ADAMTS14: variants seen among roughly 807,000 people sequenced by gnomAD.
The protein encoded by ADAMTS14 is A disintegrin and metalloproteinase with thrombospondin motifs 14.
A neutral mutation model predicts 128.6 loss-of-function variants in ADAMTS14; 100 were observed. The observed-to-expected ratio is 0.78, with a 90% CI of 0.66 to 0.92. ADAMTS14 has a LOEUF of 0.92. Among genes scored for constraint, ADAMTS14 ranks in the 40% least tolerant of loss-of-function variants. ADAMTS14 has a pLI of 0.00. For synonymous variants in ADAMTS14, 665 were observed against 653.8 expected (o/e 1.02, Z -0.26); for missense variants, 1,562 against 1,658.6 (o/e 0.94, Z 1.01).
rs1480580283 is a variant in ADAMTS14, at chr10:70,760,519, C to A, written c.3338C>A (p.Pro1113His). 8 of 1,613,824 alleles carry A rather than the reference C, an allele frequency of 5.0e-6. No homozygotes were observed. Among genetic ancestry groups the A allele is most frequent in the Non-Finnish European group, 6.8e-6 (8 of 1,179,918 alleles). Residue 1113 changes from proline to histidine, a missense_variant, in exon 22 of 22, where the codon CCC (proline) becomes CAC (histidine). Transcript: ENST00000373207. Reference protein sequence around the residue: ...GPDPGPTSLPPFSTPGSPLPG... With the variant: ...GPDPGPTSLPHFSTPGSPLPG... The stretch of plus-strand genomic sequence containing the variant: ...GACCCTGGCCCAACCTCACTGCCCC[C>A]CTTCTCCACTCCTGGAAGCCCCTTA...
At chr10:70,706,204 A>G (rs1258313908) in intron 3 of ADAMTS14, among the ~76,000 whole-genome samples, 3 of 152,174 alleles carry the variant, frequency 2.0e-5, no homozygotes, top group African/African-American at 4.8e-5. Context: ...CCAATTCCCC[A>G]GAAAGTCTGC....
At position 70,687,190 on chromosome 10, in the gene ADAMTS14, A is replaced by AC. The variant is rs1178652455; in HGVS notation, c.522+12203dup. ...GGCCACTGGCCGGGCAGGGGGGCTG[A>AC]CCCCCCCCACCTCCCTCCCGGACGG... On this transcript the variant is annotated intron_variant, in intron 2 of 21. Transcript: ENST00000373207. Among the ~76,000 whole-genome samples the AC allele has an allele frequency of 7.4e-3, 487 of 65,742 alleles. 2 individuals are homozygous for AC. The highest frequency in any genetic ancestry group is 0.03 in the African/African-American group (457 of 15,226). 43.1% of individuals were successfully genotyped at this position (65,742 alleles called of 152,430 possible). A position where few individuals can be genotyped will look rare whatever the true frequency, so the allele number is the denominator to read the frequency against.
intron 2 of ADAMTS14, among the ~76,000 whole-genome samples, chr10:70,692,171 A>C (rs77352654): frequency 0.045 from 6,852 of 152,164 alleles, 220 homozygotes; most frequent in Middle Eastern, 0.085. Context: ...TTTAATGACT[A>C]TCTAGGGGTA....
intron 12 of ADAMTS14, among the ~76,000 whole-genome samples, chr10:70,743,244 T>A (rs183874113): frequency 7.6e-4 from 116 of 152,364 alleles, no homozygotes; most frequent in African/African-American, 2.5e-3. Flanking sequence ...ATAGTAAGCA[T>A]TCACTAAGCA....
chr10:70,753,532 G>C (rs1297569838), intron 18 of ADAMTS14, among the ~76,000 whole-genome samples: 1 of 152,196 alleles, frequency 6.6e-6, no homozygotes, highest in Non-Finnish European at 1.5e-5. Flanking sequence ...AAGGCTAATA[G>C]CTTGCTCGAG....
At chr10:70,677,791 CCAGGAAATGG>C (rs559252763) in intron 2 of ADAMTS14, among the ~76,000 whole-genome samples, 351 of 152,304 alleles carry the variant, frequency 2.3e-3, no homozygotes, top group Non-Finnish European at 3.1e-3. Context: ...TCCGCCCACT[CCAGGAAATGG>C]CCCTGTGTCC....
intron 4 of ADAMTS14, among the ~76,000 whole-genome samples, chr10:70,720,768 A>T (rs1020425052): frequency 6.6e-6 from 1 of 152,240 alleles, no homozygotes; most frequent in East Asian, 1.9e-4. Flanking sequence ...GTGCATGTTT[A>T]GTCATCGGCA....
At chr10:70,723,812 T>C (rs1841345874) in intron 4 of ADAMTS14, among the ~76,000 whole-genome samples, 1 of 152,194 alleles carries the variant, frequency 6.6e-6, no homozygotes, top group South Asian at 2.1e-4. Flanking sequence ...TTCTCTCTCC[T>C]GGGCCAGAGA....
At chr10:70,751,981 A>C in intron 17 of ADAMTS14, 114 bp from the exon 18 acceptor site, 1 of 1,446,940 alleles carries the variant, frequency 6.9e-7, no homozygotes, top group Non-Finnish European at 9.3e-7. Context: ...GGGCATAGGC[A>C]GAGGGAGGTG....
intron 19 of ADAMTS14, among the ~76,000 whole-genome samples, chr10:70,755,797 C>T (rs1842468338): frequency 1.3e-5 from 2 of 152,108 alleles, no homozygotes. Context: ...TGCAGTGAGC[C>T]AAGATCACGC....
At chr10:70,738,696 C>T in intron 10 of ADAMTS14, 146 bp from the exon 11 acceptor site, 1 of 1,099,154 alleles carries the variant, frequency 9.1e-7, no homozygotes, top group Non-Finnish European at 1.3e-6. Flanking sequence ...AAAGGCAAGC[C>T]TTTTGTTTAA....
chr10:70,715,118 G>A (rs1840998806), intron 4 of ADAMTS14, among the ~76,000 whole-genome samples: 2 of 152,182 alleles, frequency 1.3e-5, no homozygotes, highest in Admixed American at 6.5e-5. Context: ...GCAGGGTCAA[G>A]TGGTATTTCT....
chr10:70,723,348 T>A (rs188432394), intron 4 of ADAMTS14, among the ~76,000 whole-genome samples: 2 of 152,130 alleles, frequency 1.3e-5, no homozygotes, highest in East Asian at 3.9e-4. Flanking sequence ...ACCAGGACAT[T>A]TGGGGGAAAT....
At chr10:70,708,549 T>G (rs1176457331) in intron 3 of ADAMTS14, 39 bp from the exon 4 acceptor site, 1 of 1,558,136 alleles carries the variant, frequency 6.4e-7, no homozygotes, top group African/African-American at 1.4e-5. Flanking sequence ...CAGCCCCTCC[T>G]GTGGGTTGGA....
intron 3 of ADAMTS14, among the ~76,000 whole-genome samples, chr10:70,704,674 C>T (rs1010262354): frequency 2.0e-5 from 3 of 148,786 alleles, no homozygotes; most frequent in African/African-American, 7.5e-5. Context: ...GACACAAACA[C>T]ACGCTCACAA....
intron 2 of ADAMTS14, among the ~76,000 whole-genome samples, chr10:70,679,186 T>C (rs532954087): frequency 1.3e-4 from 20 of 152,096 alleles, no homozygotes; most frequent in African/African-American, 3.6e-4. Context: ...TGCTCAAGAC[T>C]GTTCAGACAT....
chr10:70,732,616 T>C (rs900673609), intron 7 of ADAMTS14, among the ~76,000 whole-genome samples: 3 of 152,206 alleles, frequency 2.0e-5, no homozygotes, highest in Admixed American at 1.3e-4. Flanking sequence ...CCCAGGGCCA[T>C]AGGGGACCAG....
At chr10:70,719,382 A>G (rs1021852621) in intron 4 of ADAMTS14, among the ~76,000 whole-genome samples, 4 of 85,454 alleles carry the variant, frequency 4.7e-5, no homozygotes, top group African/African-American at 7.1e-5. Context: ...ACACACACAC[A>G]CACACACACA....
intron 2 of ADAMTS14, among the ~76,000 whole-genome samples, chr10:70,675,826 T>C (rs1839630414): frequency 6.6e-6 from 1 of 152,212 alleles, no homozygotes; most frequent in African/African-American, 2.4e-5. Flanking sequence ...AAGGTCCTGT[T>C]GGGCAGCTCT....
Sources: allele counts gnomAD v4.1 joint callset (sites outside exome capture counted in the v4.1 genomes callset), GRCh38; gene constraint gnomAD v4.1.1; transcripts MANE v1.5; gene names NCBI Gene and HGNC (gene_info 2026-07-23, HGNC 2026-07-21).